The following SLC44A5 variants were observed in gnomAD, a reference collection of about 807,000 sequenced individuals.
SLC44A5 encodes choline transporter-like protein 5.
In SLC44A5, 57 loss-of-function variants were observed where a neutral mutation model predicts 101.8. The observed-to-expected ratio is 0.56, with a 90% confidence interval of 0.45 to 0.70. The LOEUF (loss-of-function observed/expected upper bound fraction) is 0.70, where lower values mean the gene tolerates loss of function less well. Among genes scored for constraint, SLC44A5 ranks in the 30% least tolerant of loss-of-function variants. The pLI is 0.00. For synonymous variants in SLC44A5, 281 were observed against 290.9 expected (o/e 0.97, Z 0.35); for missense variants, 737 against 853.1 (o/e 0.86, Z 1.70).
At chr1:75,707,150 A>G in the SLC44A5 span, among the ~76,000 whole-genome samples, 1 of 152,222 alleles carries the variant, frequency 6.6e-6, no homozygotes, top group Admixed American at 6.6e-5. Flanking sequence ...GAACTATTTA[A>G]AATCTAGTTA....
chr1:75,507,598 T>A (rs560407545), intron 2 of SLC44A5, among the ~76,000 whole-genome samples: 1 of 152,264 alleles, frequency 6.6e-6, no homozygotes, highest in African/African-American at 2.4e-5. Context: ...TCCTCCTCGA[T>A]TTTTTAAATG....
chr1:75,543,014 T>C (rs1379901867), intron 1 of SLC44A5, among the ~76,000 whole-genome samples: 3 of 152,156 alleles, frequency 2.0e-5, no homozygotes, highest in African/African-American at 7.2e-5. Context: ...CTATATATTA[T>C]TCAAGTTTGA....
chr1:75,528,928 C>G lies in SLC44A5; in HGVS notation c.13+12507G>C, dbSNP rs78087859. Among the ~76,000 whole-genome samples the G allele has an allele frequency of 2.7e-3, 416 of 152,274 alleles. 3 individuals carry two copies. The highest frequency in any genetic ancestry group is 9.7e-3 in the African/African-American group (404 of 41,560). On this transcript the variant is annotated intron_variant, in intron 2 of 23. Transcript: ENST00000370859. ...TTCATCTTTCATGTAAATGCCTCTT[C>G]TTACCTGACTCAAGTAAAAATTAAG...
chr1:75,214,721 T>C, intron 19 of SLC44A5, 43 bp from the exon 20 acceptor site: 1 of 1,489,210 alleles, frequency 6.7e-7, no homozygotes, highest in Non-Finnish European at 9.3e-7. Flanking sequence ...AGTAACATAC[T>C]CTAACAAGAT....
At chr1:75,503,267 T>A (rs1669066399) in intron 2 of SLC44A5, among the ~76,000 whole-genome samples, 1 of 152,114 alleles carries the variant, frequency 6.6e-6, no homozygotes. Flanking sequence ...TGAATCACAT[T>A]CTCTTCAAAA....
chr1:75,246,677 G>A (rs1027586377), intron 7 of SLC44A5, among the ~76,000 whole-genome samples: 37 of 152,056 alleles, frequency 2.4e-4, no homozygotes, highest in Non-Finnish European at 1.8e-4. Context: ...GAGTGGCTGC[G>A]TGGGATTCTA....
chr1:75,704,560 A>G, the SLC44A5 span, among the ~76,000 whole-genome samples: 2 of 152,072 alleles, frequency 1.3e-5, no homozygotes, highest in South Asian at 4.1e-4. Context: ...ATTTCATTAC[A>G]TTTCCTCTTA....
the SLC44A5 span, among the ~76,000 whole-genome samples, chr1:75,617,185 T>C: frequency 6.6e-6 from 1 of 152,164 alleles, no homozygotes; most frequent in Non-Finnish European, 1.5e-5. Flanking sequence ...TTTTTTTATA[T>C]GCTGCAGCTG....
At chr1:75,531,047 G>C (rs114682586) in intron 2 of SLC44A5, among the ~76,000 whole-genome samples, 297 of 152,258 alleles carry the variant, frequency 2.0e-3, no homozygotes, top group Non-Finnish European at 3.4e-3. Flanking sequence ...ATGGCCTATT[G>C]CAGCTTTATC....
chr1:75,416,598 A>G (rs1163000144), intron 2 of SLC44A5, among the ~76,000 whole-genome samples: 1 of 152,214 alleles, frequency 6.6e-6, no homozygotes. Context: ...GTCCACCAAC[A>G]GCTTGCACTG....
At chr1:75,537,034 A>AATATATATATATG (rs1553199990) in intron 2 of SLC44A5, among the ~76,000 whole-genome samples, 2 of 18,648 alleles carry the variant, frequency 1.1e-4, no homozygotes, top group African/African-American at 2.1e-4. Flanking sequence ...AAAAAAAAAA[A>AATATATATATATG]TATATATCTA....
rs1367562508 is a variant in SLC44A5 at position 75,237,005 on chromosome 1, GT to G, written c.721del (p.Thr241LeufsTer9). On this transcript the variant is annotated frameshift_variant, in exon 11 of 24. Transcript: ENST00000370859. LOFTEE classifies it high-confidence loss of function. ...CACTTACATGAGAATCCAATACCAA[GT>G]TCTTGCATAGTCTTCAAACACTTTC... ...GLKVFEDYAR[T>X]WYWILIGLTI... 8 of 1,595,720 alleles carry G rather than the reference GT, an allele frequency of 5.0e-6. No homozygotes were observed. The highest frequency in any genetic ancestry group is 6.0e-6 in the Non-Finnish European group (7 of 1,166,308).
intron 1 of SLC44A5, among the ~76,000 whole-genome samples, chr1:75,596,819 T>A (rs147533867): frequency 1.8e-3 from 276 of 152,212 alleles, no homozygotes; most frequent in African/African-American, 6.1e-3. Flanking sequence ...AAGAGCCATA[T>A]ACAACAAACC....
chr1:75,333,399 C>T (rs1657194876), intron 4 of SLC44A5, among the ~76,000 whole-genome samples: 2 of 151,376 alleles, frequency 1.3e-5, no homozygotes, highest in Admixed American at 6.6e-5. Context: ...GGTTAACACT[C>T]ATCTTTAATA....
chr1:75,661,051 C>G, the SLC44A5 span, among the ~76,000 whole-genome samples: 1 of 152,024 alleles, frequency 6.6e-6, no homozygotes, highest in East Asian at 1.9e-4. Flanking sequence ...GCACAAAGAA[C>G]AAAGCTGGAG....
intron 2 of SLC44A5, among the ~76,000 whole-genome samples, chr1:75,397,756 C>T (rs1301257490): frequency 6.6e-6 from 1 of 152,050 alleles, no homozygotes; most frequent in African/African-American, 2.4e-5. Flanking sequence ...AGTGGGGAAC[C>T]TGGAATTCAA....
the SLC44A5 span, among the ~76,000 whole-genome samples, chr1:75,703,211 A>G: frequency 2.6e-5 from 4 of 151,728 alleles, no homozygotes; most frequent in Admixed American, 2.0e-4. Flanking sequence ...ACATGCACAC[A>G]TATGTTTATT....
chr1:75,413,482 GTATTA>G (rs948071073), intron 2 of SLC44A5, among the ~76,000 whole-genome samples: 28 of 152,054 alleles, frequency 1.8e-4, no homozygotes, highest in Non-Finnish European at 5.9e-5. Flanking sequence ...TGAATTTGTA[GTATTA>G]TATTATTTAT....
chr1:75,303,698 A>G (rs1448876489), intron 4 of SLC44A5, among the ~76,000 whole-genome samples: 1 of 152,114 alleles, frequency 6.6e-6, no homozygotes, highest in South Asian at 2.1e-4. Flanking sequence ...TCCCCACCCA[A>G]CTATTTCCCC....
Sources: allele counts gnomAD v4.1 joint callset (sites outside exome capture counted in the v4.1 genomes callset), GRCh38; gene constraint gnomAD v4.1.1; transcripts MANE v1.5; gene names NCBI Gene and HGNC (gene_info 2026-07-23, HGNC 2026-07-21).